Variants in TNFRSF11B observed in about 807,000 individuals in gnomAD.
The protein encoded by TNFRSF11B is tumor necrosis factor receptor superfamily member 11B.
In TNFRSF11B, 16 loss-of-function variants were observed where a neutral mutation model predicts 43.4. That is an observed-to-expected ratio of 0.37 (90% CI 0.25 to 0.56). TNFRSF11B has a LOEUF of 0.56. Among genes scored for constraint, TNFRSF11B ranks in the 20% least tolerant of loss-of-function variants. The probability of loss-of-function intolerance (pLI) is 0.80; values close to 1 mark genes in which losing one functional copy is unlikely to be tolerated. For missense variants in TNFRSF11B, 444 were observed against 490.1 expected (o/e 0.91, Z 0.89); for synonymous variants, 185 against 181.8 (o/e 1.02, Z -0.14).
At chr8:118,938,978 G>C (rs1479137705) in intron 1 of TNFRSF11B, among the ~76,000 whole-genome samples, 1 of 152,126 alleles carries the variant, frequency 6.6e-6, no homozygotes, top group Non-Finnish European at 1.5e-5. Flanking sequence ...TAACCACTTG[G>C]TTTGGGAGTT....
intron 4 of TNFRSF11B, among the ~76,000 whole-genome samples, chr8:118,925,613 CAGATACTTGA>C (rs1240891333): frequency 6.6e-6 from 1 of 152,218 alleles, no homozygotes; most frequent in African/African-American, 2.4e-5. Flanking sequence ...GCCCCGGTTT[CAGATACTTGA>C]AGTTTTTTAG....
chr8:118,931,098 T>C (rs1437957861), intron 2 of TNFRSF11B, among the ~76,000 whole-genome samples: 3 of 152,160 alleles, frequency 2.0e-5, no homozygotes, highest in Non-Finnish European at 2.9e-5. Context: ...TCTAAGTAAT[T>C]CCACAGGAAT....
At position 118,928,740 on chromosome 8, in the gene TNFRSF11B, A is replaced by G. The variant is rs750086178; in HGVS notation, c.590T>C (p.Ile197Thr). 1.3e-5 allele frequency: 21 copies of G among 1,614,146 alleles called. 1 individual carries two copies. In the South Asian group the frequency reaches 2.1e-4, roughly 16 times the overall value. The change falls in exon 3 of 5, where the codon ATA (isoleucine) becomes ACA (threonine). Residue 197 changes from isoleucine (I) to threonine (T), a missense_variant and splice_region_variant. Physicochemically the swap from Ile to Thr is moderately conservative, Grantham distance 89. Coordinates refer to ENST00000297350, the MANE Select transcript of TNFRSF11B (RefSeq NM_002546.4). ...GACGTATTTTGGAATGTAATTACCTATTCCACATTTTTGAGTTGATTCACT... is the reference window on the plus strand; with the variant it reads ...GACGTATTTTGGAATGTAATTACCTGTTCCACATTTTTGAGTTGATTCACT... ...GNSESTQKCGIDVTLCEEAFF... is the reference protein window; with the variant it reads ...GNSESTQKCGTDVTLCEEAFF...
At chr8:118,939,966 T>C (rs1200020957) in intron 1 of TNFRSF11B, among the ~76,000 whole-genome samples, 1 of 152,150 alleles carries the variant, frequency 6.6e-6, no homozygotes, top group East Asian at 1.9e-4. Flanking sequence ...AAAAGGGTGC[T>C]AAGTGCATAT....
intron 1 of TNFRSF11B, among the ~76,000 whole-genome samples, chr8:118,943,555 G>T (rs932282335): frequency 6.6e-6 from 1 of 151,852 alleles, no homozygotes; most frequent in Non-Finnish European, 1.5e-5. Flanking sequence ...TTCTCAGCTG[G>T]GTAACATTAG....
In TNFRSF11B at chr8:118,926,542, A is replaced by T. The variant is rs776225644; in HGVS notation, c.769T>A (p.Trp257Arg). The change falls in exon 4 of 5, where the codon TGG (tryptophan) becomes AGG (arginine). Residue 257 changes from tryptophan to arginine, a missense_variant. By Grantham distance (101) the Trp-to-Arg change is moderately radical (BLOSUM62 -3). Coordinates refer to ENST00000297350, the MANE Select transcript of TNFRSF11B (RefSeq NM_002546.4). ...QEQTFQLLKL[W>R]KHQNKDQDIV... Reference sequence around the variant, plus strand: ...TCTTGGTCTTTGTTTTGATGTTTCCATAACTTCAGCAGCTGGAAAGTCTGT... The same window carrying T: ...TCTTGGTCTTTGTTTTGATGTTTCCTTAACTTCAGCAGCTGGAAAGTCTGT... The T allele has an allele frequency of 2.5e-6, 4 of 1,614,122 alleles. No individual in the cohort carries two copies. In the East Asian group the frequency reaches 8.9e-5, roughly 36 times the overall value.
chr8:118,926,516 A>T lies in TNFRSF11B; in HGVS notation c.795T>A (p.Asp265Glu). The T allele has an allele frequency of 6.2e-7, 1 of 1,613,812 alleles. No individual in the cohort carries two copies. Among genetic ancestry groups the T allele is most frequent in the South Asian group, 1.1e-5 (1 of 91,076 alleles). Residue 265 changes from aspartate to glutamate, a missense_variant, in exon 4 of 5, where the codon GAT (aspartate) becomes GAA (glutamate). Physicochemically the swap from Asp to Glu is conservative, Grantham distance 45. Coordinates refer to ENST00000297350, the MANE Select transcript of TNFRSF11B (RefSeq NM_002546.4). Reference protein sequence around the residue: ...KLWKHQNKDQDIVKKIIQDID... With the variant: ...KLWKHQNKDQEIVKKIIQDID... The stretch of plus-strand genomic sequence containing the variant: ...TACCTTGGATGATCTTCTTGACTAT[A>T]TCTTGGTCTTTGTTTTGATGTTTCC...
chr8:118,947,064 T>C (rs1370953073), intron 1 of TNFRSF11B, among the ~76,000 whole-genome samples: 1 of 152,170 alleles, frequency 6.6e-6, no homozygotes, highest in African/African-American at 2.4e-5. Context: ...ACATTTTTGT[T>C]ACTGGCTTAA....
chr8:118,926,208 C>T (rs563608033), intron 4 of TNFRSF11B, among the ~76,000 whole-genome samples: 12 of 152,250 alleles, frequency 7.9e-5, no homozygotes, highest in African/African-American at 2.2e-4. Context: ...GATCTGGAAG[C>T]GACTCCCTGA....
At chr8:118,938,251 G>T (rs1343585012) in intron 1 of TNFRSF11B, among the ~76,000 whole-genome samples, 2 of 152,128 alleles carry the variant, frequency 1.3e-5, no homozygotes, top group African/African-American at 2.4e-5. Flanking sequence ...AAAGTGCTGG[G>T]ATTACAGGTG....
At chr8:118,934,075 G>A (rs373962738) in intron 1 of TNFRSF11B, among the ~76,000 whole-genome samples, 30 of 152,114 alleles carry the variant, frequency 2.0e-4, no homozygotes, top group African/African-American at 5.8e-4. Context: ...TTCTAAGCAC[G>A]GTGCTCATAT....
chr8:118,945,259 C>T (rs1023622887), intron 1 of TNFRSF11B, among the ~76,000 whole-genome samples: 6 of 135,038 alleles, frequency 4.4e-5, no homozygotes, highest in East Asian at 4.5e-4. Context: ...ATGTTTTGAG[C>T]GGGAAATAAT....
In TNFRSF11B at chr8:118,924,501, G is replaced by A. The variant is rs1812222425; in HGVS notation, c.1079C>T (p.Thr360Ile). 9 of 1,614,042 alleles carry A rather than the reference G, an allele frequency of 5.6e-6. No homozygotes were observed. In the East Asian group the frequency reaches 2.0e-4, roughly 36 times the overall value. ...KHSKTYHFPK[T>I]VTQSLKKTIR... The stretch of plus-strand genomic sequence containing the variant: ...GGTCTTCTTTAGACTCTGAGTGACA[G>A]TTTTGGGAAAGTGGTACGTCTTTGA... Residue 360 changes from threonine (T) to isoleucine (I), a missense_variant, in exon 5 of 5, where the codon ACT (threonine) becomes ATT (isoleucine). Physicochemically the swap from Thr to Ile is moderately conservative, Grantham distance 89. Coordinates refer to ENST00000297350, the MANE Select transcript of TNFRSF11B (RefSeq NM_002546.4).
intron 1 of TNFRSF11B, among the ~76,000 whole-genome samples, chr8:118,943,710 C>T (rs3102727): frequency 0.013 from 1,928 of 152,138 alleles, 76 homozygotes; most frequent in East Asian, 0.091. Context: ...AAATGATTAG[C>T]GTCTTTCTAT....
intron 4 of TNFRSF11B, among the ~76,000 whole-genome samples, chr8:118,925,391 G>A (rs1358282068): frequency 1.3e-5 from 2 of 152,304 alleles, no homozygotes; most frequent in South Asian, 2.1e-4. Context: ...AGGCAAATCG[G>A]TTCATCTTTC....
At chr8:118,931,024 G>T (rs1812321011) in intron 2 of TNFRSF11B, among the ~76,000 whole-genome samples, 1 of 152,092 alleles carries the variant, frequency 6.6e-6, no homozygotes, top group South Asian at 2.1e-4. Flanking sequence ...AACCTGCCAG[G>T]CAAAATGTGA....
chr8:118,941,985 C>T (rs1812493752), intron 1 of TNFRSF11B, among the ~76,000 whole-genome samples: 3 of 152,194 alleles, frequency 2.0e-5, no homozygotes, highest in Admixed American at 6.5e-5. Flanking sequence ...AGGGTAGCAC[C>T]GCTACCTCAG....
At position 118,948,607 on chromosome 8, in the gene TNFRSF11B, T is replaced by TAGG. The variant is rs1554618574; in HGVS notation, c.30+3184_30+3185insCCT. On this transcript the variant is annotated intron_variant, in intron 1 of 4. Coordinates refer to ENST00000297350, the MANE Select transcript of TNFRSF11B (RefSeq NM_002546.4). ...GAATTTCACAGCTGTAGTTTCAGCT[T>TAGG]AAGTAAAATTTGAAACTAGATTGAA... is the stretch of plus-strand genomic sequence containing the variant. Among the ~76,000 whole-genome samples, 153 of 151,774 alleles carry TAGG rather than the reference T, an allele frequency of 1.0e-3. 1 individual carries two copies. The East Asian group carries it at 0.028, about 28-fold the overall frequency.
intron 3 of TNFRSF11B, among the ~76,000 whole-genome samples, chr8:118,927,991 A>G (rs1812269751): frequency 6.6e-6 from 1 of 151,702 alleles, no homozygotes; most frequent in South Asian, 2.1e-4. Context: ...CATAGGTAAC[A>G]AAGCCAAGTA....
Sources: allele counts gnomAD v4.1 joint callset (sites outside exome capture counted in the v4.1 genomes callset), GRCh38; gene constraint gnomAD v4.1.1; transcripts MANE v1.5; gene names NCBI Gene and HGNC (gene_info 2026-07-23, HGNC 2026-07-21).